CELF2: variants seen among roughly 807,000 people sequenced by gnomAD.
CELF2 encodes the protein CUGBP Elav-like family member 2.
CELF2 carries 8 observed loss-of-function variants against 62.6 expected under a neutral mutation model. That is an observed-to-expected ratio of 0.13 (90% confidence interval 0.07 to 0.23). The LOEUF is 0.23. Among genes scored for constraint, CELF2 ranks in the 10% least tolerant of loss-of-function variants. The pLI is 1.00. For missense variants in CELF2, 333 were observed against 671.0 expected, an observed-to-expected ratio of 0.50 and a Z score of 5.56; for synonymous variants, 258 against 250.0, an observed-to-expected ratio of 1.03 and a Z score of -0.30.
chr10:11,175,250 G>A lies in CELF2; in HGVS notation c.271+9568G>A, dbSNP rs7073431. Among the ~76,000 whole-genome samples the A allele has an allele frequency of 8.4e-3, 1,285 of 152,154 alleles. 15 individuals are homozygous for A. Among genetic ancestry groups the A allele is most frequent in the African/African-American group, 0.029 (1,208 of 41,482 alleles). ...GTTCCAAGGGAGAGCAGCATGAATC[G>A]CAAAGGTCCGGGAAGGTGAGCCCAC... On this transcript the variant is annotated intron_variant, in intron 2 of 12. Coordinates refer to ENST00000633077, the MANE Select transcript of CELF2 (RefSeq NM_001326342.2).
chr10:10,494,793 G>A, the CELF2 span, among the ~76,000 whole-genome samples: 1 of 152,032 alleles, frequency 6.6e-6, no homozygotes, highest in East Asian at 1.9e-4. Flanking sequence ...ATTAGACTCT[G>A]GGATTTGATG....
the CELF2 span, among the ~76,000 whole-genome samples, chr10:10,761,873 C>A: frequency 1.3e-5 from 2 of 151,218 alleles, no homozygotes; most frequent in Admixed American, 6.6e-5. Context: ...CTCAGCCTCT[C>A]TAATTACATG....
At chr10:10,705,064 T>G in the CELF2 span, among the ~76,000 whole-genome samples, 1 of 152,048 alleles carries the variant, frequency 6.6e-6, no homozygotes, top group South Asian at 2.1e-4. Context: ...CACAAGCCTG[T>G]AATCCTGGCT....
intron 11 of CELF2, 99 bp from the exon 12 acceptor site, chr10:11,325,736 TA>T: frequency 1.9e-6 from 2 of 1,065,344 alleles, no homozygotes; most frequent in Non-Finnish European, 2.7e-6. Flanking sequence ...TTTGTTCAAC[TA>T]AATGCTTAGC....
chr10:10,550,028 G>A, the CELF2 span, among the ~76,000 whole-genome samples: 1 of 152,124 alleles, frequency 6.6e-6, no homozygotes, highest in Non-Finnish European at 1.5e-5. Flanking sequence ...TAAGGTCACT[G>A]ACTCCCTGCA....
chr10:10,978,802 C>T (rs1189195924), intron 2 of CELF2, among the ~76,000 whole-genome samples: 1 of 152,164 alleles, frequency 6.6e-6, no homozygotes, highest in African/African-American at 2.4e-5. Flanking sequence ...TTTGAAAACC[C>T]AGTGTCAAAA....
At chr10:10,609,646 A>G in the CELF2 span, among the ~76,000 whole-genome samples, 1 of 152,208 alleles carries the variant, frequency 6.6e-6, no homozygotes, top group African/African-American at 2.4e-5. Flanking sequence ...GAATCAATAG[A>G]TTCTTCTTAC....
the CELF2 span, among the ~76,000 whole-genome samples, chr10:10,483,420 A>T: frequency 0.011 from 1,691 of 152,316 alleles, 30 homozygotes; most frequent in African/African-American, 0.039. Context: ...TCCTGGTAGC[A>T]CATAGGAGTC....
the CELF2 span, among the ~76,000 whole-genome samples, chr10:10,465,793 T>C: frequency 1.3e-5 from 2 of 152,130 alleles, no homozygotes; most frequent in Non-Finnish European, 2.9e-5. Flanking sequence ...GGCGGGCTTG[T>C]CCACCTGTGG....
At chr10:10,608,500 C>T in the CELF2 span, among the ~76,000 whole-genome samples, 2 of 152,172 alleles carry the variant, frequency 1.3e-5, no homozygotes, top group African/African-American at 2.4e-5. Context: ...CCTCTTAGAA[C>T]TTGTGGGCTT....
At chr10:11,059,313 A>G (rs1291836) in intron 1 of CELF2, among the ~76,000 whole-genome samples, 102,218 of 152,042 alleles carry the variant, frequency 0.67, 35,820 homozygotes, top group African/African-American at 0.88. Flanking sequence ...AGGGTGGAAA[A>G]CCTGTGCTTG....
chr10:11,103,708 A>G (rs950368319), intron 1 of CELF2, among the ~76,000 whole-genome samples: 1 of 152,078 alleles, frequency 6.6e-6, no homozygotes, highest in African/African-American at 2.4e-5. Context: ...TATTGGTTAT[A>G]TTTGTCCTTC....
chr10:11,316,725 A>G lies in CELF2; in HGVS notation c.1096+2467A>G, dbSNP rs889709600. 4 of 152,228 alleles carry G rather than the reference A, an allele frequency of 2.6e-5. No homozygotes were observed. The highest frequency in any genetic ancestry group is 9.6e-5 in the African/African-American group (4 of 41,454). The allele number at this position is 152,228 out of a possible 1,614,324, so 9.4% of individuals were successfully genotyped here. ...CACAGCGGTCAGCAAGAAAGCAGGT[A>G]GATGACTCACCAGAGCCAACATTTT... On this transcript the variant is annotated intron_variant, in intron 10 of 12. Transcript: ENST00000633077. This position sits in a 1 kb window ranked among gnomAD's most constrained non-coding sequence, Gnocchi z 4.4.
rs116745473 is a variant in CELF2 at position 10,988,702 on chromosome 10, G to A, written c.89+68703G>A. Among the ~76,000 whole-genome samples the A allele has an allele frequency of 3.6e-3, 549 of 152,196 alleles. 3 individuals carry two copies. The highest frequency in any genetic ancestry group is 0.013 in the African/African-American group (528 of 41,532). On this transcript the variant is annotated intron_variant, in intron 2 of 13. Transcript: ENST00000636488. ...AAATATTAAGCCCTTATTCCTAAGA[G>A]GCTAAAGAAACTCTTAGAAAACGAG...
At chr10:10,914,368 C>T (rs899446659) in intron 1 of CELF2, among the ~76,000 whole-genome samples, 1 of 152,036 alleles carries the variant, frequency 6.6e-6, no homozygotes, top group Non-Finnish European at 1.5e-5. Flanking sequence ...AGTTCAGGAA[C>T]GGGGAAGGAC....
At chr10:10,549,262 G>A in the CELF2 span, among the ~76,000 whole-genome samples, 3 of 152,152 alleles carry the variant, frequency 2.0e-5, no homozygotes, top group Non-Finnish European at 4.4e-5. Context: ...AGATCAAGGT[G>A]TCAGTAGGGT....
At chr10:11,086,103 C>T (rs1276873814) in intron 1 of CELF2, among the ~76,000 whole-genome samples, 1 of 152,128 alleles carries the variant, frequency 6.6e-6, no homozygotes, top group Non-Finnish European at 1.5e-5. Flanking sequence ...CTGGACTCTT[C>T]TTTCATGGTG....
rs1184621960 is a variant in CELF2 at position 11,008,793 on chromosome 10, C to A, written c.53+3353C>A. ...ATGGTAGTGAGCATATTAGAAATAT[C>A]CCACTTAGATTTCTTTGTATGGAGA... On this transcript the variant is annotated intron_variant, in intron 1 of 12. Coordinates refer to the CELF2 transcript ENST00000416382. This position sits in a 1 kb window ranked among gnomAD's most constrained non-coding sequence, Gnocchi z 4.5. 6.6e-6 allele frequency among the ~76,000 whole-genome samples: 1 copy of A among 152,070 alleles called. No individual in the cohort carries two copies. Among genetic ancestry groups the A allele is most frequent in the Non-Finnish European group, 1.5e-5 (1 of 67,996 alleles).
the CELF2 span, among the ~76,000 whole-genome samples, chr10:10,512,507 G>A: frequency 2.0e-5 from 3 of 148,106 alleles, no homozygotes; most frequent in South Asian, 6.5e-4. Context: ...CCCAGGTCAA[G>A]TGATTCTCCT....
Sources: gnomAD v4.1 joint callset for allele counts (sites outside exome capture counted in the v4.1 genomes callset) on GRCh38, gnomAD v4.1.1 for gene constraint, Gnocchi (gnomAD v3.1) non-coding constraint, MANE v1.5 for transcripts, NCBI Gene and HGNC (gene_info 2026-07-23, HGNC 2026-07-21) for gene names.